Variants in HERC2 observed in about 807,000 individuals in gnomAD.
HERC2 encodes E3 ubiquitin-protein ligase HERC2.
A neutral mutation model predicts 537.7 loss-of-function variants in HERC2; 102 were observed. The ratio of observed to expected loss-of-function variants is 0.19; its 90% CI spans 0.16 to 0.22. HERC2 has a LOEUF of 0.22. Ranked by LOEUF, HERC2 falls within the 10% of genes least tolerant of loss-of-function variation. The pLI is 1.00. For missense variants in HERC2, 4,236 were observed against 6,198.2 expected (o/e 0.68, Z 10.63); for synonymous variants, 2,224 against 2,466.2 (o/e 0.90, Z 2.91).
intron 52 of HERC2, among the ~76,000 whole-genome samples, chr15:28,194,194 T>C (rs541228279): frequency 1.3e-5 from 2 of 148,572 alleles, no homozygotes; most frequent in African/African-American, 5.0e-5. Context: ...GCCTCCCGAG[T>C]AGCTGGGACT....
intron 65 of HERC2, among the ~76,000 whole-genome samples, chr15:28,173,785 T>C (rs1469193693): frequency 7.2e-6 from 1 of 138,942 alleles, no homozygotes; most frequent in Non-Finnish European, 1.5e-5. Context: ...AGTGAGACCC[T>C]GTCTACAAAA....
At chr15:28,320,161 C>G (rs945165533) in intron 2 of HERC2, 2 of 152,164 alleles carry the variant, frequency 1.3e-5, no homozygotes, top group Non-Finnish European at 2.9e-5. Flanking sequence ...ATTGTCCAGG[C>G]TGGAGTGCAA....
chr15:28,111,580 C>T lies in HERC2; in HGVS notation c.*183G>A, dbSNP rs540317226. The T allele has an allele frequency of 1.3e-3, 789 of 629,670 alleles. No homozygotes were observed. The highest frequency in any genetic ancestry group is 3.4e-3 in the Admixed American group (115 of 33,942). The allele number at this position is 629,670 out of a possible 1,614,324, so 39.0% of individuals were successfully genotyped here. A position where few individuals can be genotyped will look rare whatever the true frequency, so the allele number is the denominator to read the frequency against. The stretch of plus-strand genomic sequence containing the variant: ...AGTCGAGCGTCCACAGTGTTCCACG[C>T]GCACAGGCGGACCTTCTCACTGTCA... On this transcript the variant is annotated 3_prime_UTR_variant, in exon 93 of 93. Transcript: ENST00000261609.
rs1887618511 is a variant in HERC2 at position 28,111,266 on chromosome 15, G to A, written c.*497C>T. ...TTAAATATCCTCTGGATGCATTCAA[G>A]TAATACTAATCATTTCATGTTCAAA... On this transcript the variant is annotated 3_prime_UTR_variant, in exon 93 of 93. Transcript: ENST00000261609. The A allele has an allele frequency of 6.4e-6, 1 of 155,486 alleles. No homozygotes were observed. Among genetic ancestry groups the A allele is most frequent in the South Asian group, 2.0e-4 (1 of 4,966 alleles). The allele number at this position is 155,486 out of a possible 1,614,324, so 9.6% of individuals were successfully genotyped here. A position where few individuals can be genotyped will look rare whatever the true frequency, so the allele number is the denominator to read the frequency against.
At chr15:28,141,110 C>T (rs1227860543) in intron 78 of HERC2, among the ~76,000 whole-genome samples, 6 of 151,608 alleles carry the variant, frequency 4.0e-5, no homozygotes, top group Non-Finnish European at 8.8e-5. Flanking sequence ...TGGTGGCGGG[C>T]GCCTATAATC....
intron 15 of HERC2, among the ~76,000 whole-genome samples, chr15:28,262,592 A>T (rs1363535319): frequency 6.6e-6 from 1 of 152,210 alleles, no homozygotes; most frequent in Non-Finnish European, 1.5e-5. Context: ...GTACAAGTAC[A>T]GGTGACCTCA....
chr15:28,299,602 T>C, intron 2 of HERC2, 86 bp from the exon 3 acceptor site: 1 of 721,772 alleles, frequency 1.4e-6, no homozygotes, highest in Non-Finnish European at 2.5e-6. Context: ...AAAATCTCAA[T>C]CCCCCTTATG....
chr15:28,246,623 G>C lies in HERC2; in HGVS notation c.3391+119C>G, dbSNP rs1428133548. ...TAAAAAAAAAAAACAAAGGTGAAAGGGCAGGAGGCCCAGAAAATTTAGAGA... is the reference window on the plus strand; with the variant it reads ...TAAAAAAAAAAAACAAAGGTGAAAGCGCAGGAGGCCCAGAAAATTTAGAGA... On this transcript the variant is annotated intron_variant, in intron 22 of 92. Coordinates refer to ENST00000261609, the MANE Select transcript of HERC2 (RefSeq NM_004667.6). 5 of 813,206 alleles carry C rather than the reference G, an allele frequency of 6.1e-6. No individual in the cohort carries two copies. The Admixed American group carries it at 1.7e-4, about 27-fold the overall frequency. 50.4% of individuals were successfully genotyped at this position (813,206 alleles called of 1,614,324 possible). A position where few individuals can be genotyped will look rare whatever the true frequency, so the allele number is the denominator to read the frequency against.
At chr15:28,143,273 T>C (rs1891406419) in intron 74 of HERC2, among the ~76,000 whole-genome samples, 1 of 152,002 alleles carries the variant, frequency 6.6e-6, no homozygotes, top group African/African-American at 2.4e-5. Flanking sequence ...ACTACTTTAG[T>C]CAGCAAAATA....
chr15:28,192,177 A>G, intron 52 of HERC2, 26 bp from the exon 53 acceptor site: 1 of 1,589,504 alleles, frequency 6.3e-7, no homozygotes. Context: ...CAAAAAGAGA[A>G]TTAACCCTTG....
intron 35 of HERC2, among the ~76,000 whole-genome samples, chr15:28,223,632 T>C (rs983070708): frequency 3.4e-4 from 52 of 152,324 alleles, no homozygotes; most frequent in African/African-American, 1.3e-3. Context: ...TGCTAAGGAC[T>C]TGAATAAATT....
intron 4 of HERC2, among the ~76,000 whole-genome samples, chr15:28,280,911 CA>C (rs1010508144): frequency 1.1e-4 from 16 of 143,274 alleles, no homozygotes; most frequent in Non-Finnish European, 1.7e-4. Context: ...CTCTGTCTCC[CA>C]AAAAAAAAAG....
chr15:28,214,688 T>C lies in HERC2; in HGVS notation c.6325A>G (p.Thr2109Ala), dbSNP rs1350219323. 9 of 1,611,932 alleles carry C rather than the reference T, an allele frequency of 5.6e-6. No homozygotes were observed. Among genetic ancestry groups the C allele is most frequent in the Non-Finnish European group, 7.6e-6 (9 of 1,179,864 alleles). ...AATGGCACGTCAGAGGAGCAGGTAG[T>C]GAGCAAGCTTCCCAAGAAGTCAAAC... ...KLFDFLGSLLTTCSSDVPLLR... is the reference protein window; with the variant it reads ...KLFDFLGSLLATCSSDVPLLR... Residue 2109 changes from threonine (T) to alanine (A), a missense_variant, in exon 40 of 93, where the codon ACT becomes GCT. Coordinates refer to ENST00000261609, the MANE Select transcript of HERC2 (RefSeq NM_004667.6).
At chr15:28,217,910 T>C (rs1431585583) in intron 38 of HERC2, among the ~76,000 whole-genome samples, 1 of 151,928 alleles carries the variant, frequency 6.6e-6, no homozygotes, top group African/African-American at 2.4e-5. Context: ...GGAAGAAGCA[T>C]GGCCCTGCCC....
chr15:28,230,636 C>T (rs1901729825), intron 30 of HERC2, 136 bp from the exon 31 acceptor site: 2 of 605,228 alleles, frequency 3.3e-6, no homozygotes, highest in Non-Finnish European at 5.8e-6. Context: ...AATTGCAATG[C>T]TCAACAACAA....
intron 30 of HERC2, among the ~76,000 whole-genome samples, chr15:28,231,915 G>C (rs889253237): frequency 7.9e-5 from 12 of 151,848 alleles, no homozygotes; most frequent in Non-Finnish European, 1.8e-4. Context: ...AAAAGTGACA[G>C]TGTGGGCTCA....
intron 90 of HERC2, 66 bp downstream of exon 90, chr15:28,114,546 C>G: frequency 2.8e-6 from 4 of 1,453,114 alleles, no homozygotes; most frequent in Non-Finnish European, 2.9e-6. Context: ...ACACACATGT[C>G]CACACAACCA....
chr15:28,284,620 A>G (rs2076104563), intron 4 of HERC2, among the ~76,000 whole-genome samples: 1 of 152,092 alleles, frequency 6.6e-6, no homozygotes, highest in African/African-American at 2.4e-5. Context: ...TAAACTTCAG[A>G]GCAAAGATAA....
At position 28,284,925 on chromosome 15, in the gene HERC2, A is replaced by G. The variant is rs1213012506; in HGVS notation, c.323-4638T>C. Among the ~76,000 whole-genome samples the G allele has an allele frequency of 8.0e-3, 1,128 of 141,500 alleles. 4 individuals are homozygous for G. Among genetic ancestry groups the G allele is most frequent in the African/African-American group, 0.031 (1,089 of 34,650 alleles). 92.8% of individuals were successfully genotyped at this position (141,500 alleles called of 152,430 possible). A position where few individuals can be genotyped will look rare whatever the true frequency, so the allele number is the denominator to read the frequency against. On this transcript the variant is annotated intron_variant, in intron 4 of 92. Transcript: ENST00000261609. ...GGAGCGAAACTCCGTCTCGGAAAAA[A>G]AAAAAAAAAAAAAAAAAAAAAAAAG...
Sources: allele counts gnomAD v4.1 joint callset (sites outside exome capture counted in the v4.1 genomes callset), GRCh38; gene constraint gnomAD v4.1.1; transcripts MANE v1.5; gene names NCBI Gene and HGNC (gene_info 2026-07-23, HGNC 2026-07-21).